Variants in ANO3 observed in about 807,000 individuals in gnomAD.
The protein encoded by ANO3 is anoctamin-3.
Under a neutral mutation model 144.8 loss-of-function variants are expected in ANO3, and 99 were observed. The observed-to-expected ratio is 0.68, with a 90% CI of 0.58 to 0.81. The LOEUF (loss-of-function observed/expected upper bound fraction) is 0.81, where lower values mean the gene tolerates loss of function less well. ANO3 is among the 30% of genes least tolerant of loss of function. ANO3 has a pLI of 0.00. For missense variants in ANO3, 905 were observed against 1,202.2 expected, an observed-to-expected ratio of 0.75 and a Z score of 3.66; for synonymous variants, 414 against 392.6, an observed-to-expected ratio of 1.05 and a Z score of -0.64.
intron 4 of ANO3, among the ~76,000 whole-genome samples, chr11:26,467,375 T>G (rs776624452): frequency 1.4e-5 from 2 of 143,700 alleles, no homozygotes; most frequent in Non-Finnish European, 3.0e-5. Context: ...AGATAATAGA[T>G]CTTATTCCTT....
At chr11:26,359,766 A>G (rs1855873922) in intron 1 of ANO3, among the ~76,000 whole-genome samples, 1 of 152,080 alleles carries the variant, frequency 6.6e-6, no homozygotes, top group African/African-American at 2.4e-5. Context: ...CTCACAGATT[A>G]TTATCTGTTA....
intron 1 of ANO3, among the ~76,000 whole-genome samples, chr11:26,218,312 C>T (rs774491309): frequency 6.6e-6 from 1 of 151,762 alleles, no homozygotes; most frequent in Non-Finnish European, 1.5e-5. Flanking sequence ...AGAAAATGTC[C>T]TTTTCCTGGA....
chr11:26,252,293 C>G (rs2133820472), intron 1 of ANO3, among the ~76,000 whole-genome samples: 1 of 152,276 alleles, frequency 6.6e-6, no homozygotes, highest in East Asian at 1.9e-4. Context: ...GTGATACTGT[C>G]ATGCTAACAA....
At chr11:26,443,908 A>C in intron 3 of ANO3, 72 bp downstream of exon 3, 1 of 1,060,268 alleles carries the variant, frequency 9.4e-7, no homozygotes. Context: ...TCTAAAAAAA[A>C]CTAGCATTTT....
At chr11:26,543,729 ATAGT>A (rs771035009) in intron 11 of ANO3, among the ~76,000 whole-genome samples, 76 of 151,942 alleles carry the variant, frequency 5.0e-4, no homozygotes, top group Non-Finnish European at 8.1e-4. Flanking sequence ...TGTCCTTGAG[ATAGT>A]TTGCTCAGAA....
intron 17 of ANO3, among the ~76,000 whole-genome samples, chr11:26,614,028 G>GC (rs1852175956): frequency 6.6e-6 from 1 of 152,246 alleles, no homozygotes; most frequent in African/African-American, 2.4e-5. Flanking sequence ...CAGCTGTCAG[G>GC]CCATGCAGGC....
intron 1 of ANO3, among the ~76,000 whole-genome samples, chr11:26,196,005 A>G (rs1284184172): frequency 1.3e-5 from 2 of 152,068 alleles, no homozygotes; most frequent in African/African-American, 4.8e-5. Flanking sequence ...CTGCCTATTT[A>G]TCTTATTCTC....
chr11:26,564,684 C>G (rs1347957602), intron 14 of ANO3, among the ~76,000 whole-genome samples: 1 of 79,000 alleles, frequency 1.3e-5, no homozygotes, highest in Non-Finnish European at 2.6e-5. Flanking sequence ...TATATATACT[C>G]ATATATATAC....
At chr11:26,250,852 T>C (rs1178440910) in intron 1 of ANO3, among the ~76,000 whole-genome samples, 1 of 152,226 alleles carries the variant, frequency 6.6e-6, no homozygotes, top group Non-Finnish European at 1.5e-5. Context: ...AAGTCAAAAA[T>C]GCATTTAGTA....
intron 12 of ANO3, among the ~76,000 whole-genome samples, chr11:26,548,965 A>G (rs548399131): frequency 2.1e-5 from 3 of 143,352 alleles, no homozygotes; most frequent in African/African-American, 7.7e-5. Flanking sequence ...AAAAAAAAAA[A>G]CACTTTTAAG....
intron 1 of ANO3, among the ~76,000 whole-genome samples, chr11:26,410,864 C>T (rs2133985581): frequency 6.6e-6 from 1 of 152,054 alleles, no homozygotes; most frequent in Middle Eastern, 3.4e-3. Context: ...AGAGGAGTAT[C>T]AGTCATAATT....
At chr11:26,588,028 G>T (rs293987) in intron 14 of ANO3, among the ~76,000 whole-genome samples, 132,406 of 151,496 alleles carry the variant, frequency 0.87, 58,181 homozygotes, top group East Asian at 0.96. Flanking sequence ...TTTAATCACT[G>T]ATTATTTAAA....
intron 1 of ANO3, among the ~76,000 whole-genome samples, chr11:26,280,243 C>T (rs1461985852): frequency 6.6e-6 from 1 of 152,174 alleles, no homozygotes; most frequent in Admixed American, 6.5e-5. Flanking sequence ...CTTGTGTCAC[C>T]TCTTTTTATT....
At chr11:26,202,925 AG>A (rs1423680798) in intron 1 of ANO3, among the ~76,000 whole-genome samples, 1 of 152,128 alleles carries the variant, frequency 6.6e-6, no homozygotes, top group Non-Finnish European at 1.5e-5. Flanking sequence ...ACCTGGCCAT[AG>A]TAGCTGTTCA....
At position 26,542,074 on chromosome 11, in the gene ANO3, G is replaced by A. The variant is rs1849660314; in HGVS notation, c.1154+6G>A. 1 of 1,605,290 alleles carries A rather than the reference G, an allele frequency of 6.2e-7. No individual in the cohort carries two copies. Among genetic ancestry groups the A allele is most frequent in the Non-Finnish European group, 8.5e-7 (1 of 1,176,630 alleles). ...CAGCCTCTGGATTTAATCAGGTACTGCAAATGGAACAATAATGAAAAGCAA... is the reference window on the plus strand; with the variant it reads ...CAGCCTCTGGATTTAATCAGGTACTACAAATGGAACAATAATGAAAAGCAA... On this transcript the variant is annotated splice_donor_region_variant and intron_variant, in intron 11 of 26. Coordinates refer to ENST00000256737, the MANE Select transcript of ANO3 (RefSeq NM_031418.4).
chr11:26,454,434 G>T (rs1859069772), intron 3 of ANO3, among the ~76,000 whole-genome samples: 1 of 152,142 alleles, frequency 6.6e-6, no homozygotes, highest in Non-Finnish European at 1.5e-5. Flanking sequence ...TACCATCAGA[G>T]AATACTACAA....
At chr11:26,586,729 C>T (rs192211136) in intron 14 of ANO3, among the ~76,000 whole-genome samples, 4,652 of 150,278 alleles carry the variant, frequency 0.031, 103 homozygotes, top group Non-Finnish European at 0.049. Flanking sequence ...GTCTCGACCT[C>T]CTGACCTCTT....
intron 14 of ANO3, chr11:26,565,778 T>C: frequency 6.2e-7 from 1 of 1,608,962 alleles, no homozygotes; most frequent in Non-Finnish European, 8.5e-7. Flanking sequence ...TGTTTATGTC[T>C]TGATTTTCTT....
At chr11:26,262,084 C>G (rs959217807) in intron 1 of ANO3, among the ~76,000 whole-genome samples, 6 of 152,146 alleles carry the variant, frequency 3.9e-5, no homozygotes, top group Non-Finnish European at 8.8e-5. Flanking sequence ...TTTCTCCTAG[C>G]CTATTCTTGC....
Sources: gnomAD v4.1 joint callset for allele counts (sites outside exome capture counted in the v4.1 genomes callset) on GRCh38, gnomAD v4.1.1 for gene constraint, MANE v1.5 for transcripts, NCBI Gene and HGNC (gene_info 2026-07-23, HGNC 2026-07-21) for gene names.